The following TFIP11 variants were observed in gnomAD, a reference collection of about 807,000 sequenced individuals.
TFIP11 encodes the protein tuftelin interacting protein 11.
In TFIP11, 86 loss-of-function variants were observed where a neutral mutation model predicts 96.8. The ratio of observed to expected loss-of-function variants is 0.89; its 90% CI spans 0.75 to 1.06. TFIP11 has a LOEUF of 1.06. Among genes scored for constraint, TFIP11 ranks in the 50% least tolerant of loss-of-function variants. The pLI is 0.00. For synonymous variants in TFIP11, 405 were observed against 395.2 expected (o/e 1.02, Z -0.29); for missense variants, 881 against 1,076.7 (o/e 0.82, Z 2.54).
chr22:26,496,035 A>G, intron 12 of TFIP11, 38 bp downstream of exon 12: 1 of 1,600,868 alleles, frequency 6.2e-7, no homozygotes. Context: ...AGGGCACCAA[A>G]GCTGCTGGGC....
intron 9 of TFIP11, 34 bp downstream of exon 9, chr22:26,499,070 A>G (rs1191768560): frequency 6.3e-7 from 1 of 1,597,104 alleles, no homozygotes; most frequent in East Asian, 2.2e-5. Flanking sequence ...CCCAACCGAG[A>G]GGCAGGGATA....
At chr22:26,501,806 AAGC>A in intron 8 of TFIP11, 91 bp downstream of exon 8, 2 of 704,666 alleles carry the variant, frequency 2.8e-6, no homozygotes, top group South Asian at 2.7e-5. Context: ...AAAAAAAAAA[AAGC>A]CTAGCTAAAA....
At chr22:26,498,544 A>T (rs1472129782) in intron 10 of TFIP11, among the ~76,000 whole-genome samples, 2 of 146,984 alleles carry the variant, frequency 1.4e-5, no homozygotes, top group Non-Finnish European at 3.0e-5. Context: ...TCCATCTCAA[A>T]AAAAAAAAAA....
At position 26,492,094 on chromosome 22, in the gene TFIP11, G is replaced by A. The variant is rs17850763; in HGVS notation, c.2433C>T (p.Ile811=). 0.035 allele frequency: 56,299 copies of A among 1,613,820 alleles called. 1,161 individuals carry two copies. Among genetic ancestry groups the A allele is most frequent in the Non-Finnish European group, 0.038 (45,121 of 1,179,844 alleles). Residue 811 remains isoleucine, a synonymous_variant, in exon 15 of 15, where the codon ATC becomes ATT. Transcript: ENST00000407690. ...CCTGGACAAAGACCACTCCCCGGTC[G>A]ATGTAGATCACAATGCGGCCAAAGG... is the stretch of plus-strand genomic sequence containing the variant. The part of the protein sequence containing the change: ...LYTFGRIVIY[I]DRGVVFVQGE...
chr22:26,491,372 TG>T lies in TFIP11; in HGVS notation c.*640del, dbSNP rs1921152188. ...TTTGTTATTTTTTTAAAAAGTAAAG[TG>T]GGGATGACAAGTAAAGTGGAAATTT... On this transcript the variant is annotated 3_prime_UTR_variant, in exon 15 of 15. Coordinates refer to ENST00000407690, the MANE Select transcript of TFIP11 (RefSeq NM_012143.4). 1.9e-6 allele frequency: 2 copies of T among 1,036,654 alleles called. No individual in the cohort carries two copies. Among genetic ancestry groups the T allele is most frequent in the Non-Finnish European group, 1.4e-6 (1 of 694,638 alleles). 64.2% of individuals were successfully genotyped at this position (1,036,654 alleles called of 1,614,324 possible).
In TFIP11 at chr22:26,501,869, TCCTGTACCAGGTGTCCAAGGGCC is replaced by T. The variant is rs1405849949; in HGVS notation, c.801+8_801+30del. On this transcript the variant is annotated splice_region_variant and intron_variant, in intron 8 of 14. Coordinates refer to ENST00000407690, the MANE Select transcript of TFIP11 (RefSeq NM_012143.4). ...TCAGTGATTATTTCTGGGGTGTGGA[TCCTGTACCAGGTGTCCAAGGGCC>T]CCTGTACCTTGACTTGAGAAAGTTC... The T allele has an allele frequency of 2.6e-6, 4 of 1,561,430 alleles. No homozygotes were observed. The highest frequency in any genetic ancestry group is 3.5e-6 in the Non-Finnish European group (4 of 1,148,212).
At chr22:26,506,645 G>C in intron 5 of TFIP11, 130 bp downstream of exon 5, 1 of 1,374,778 alleles carries the variant, frequency 7.3e-7, no homozygotes, top group Non-Finnish European at 1.0e-6. Flanking sequence ...ACAACTCACA[G>C]AAACCTGCCA....
chr22:26,505,696 CTATT>C (rs67577358), intron 6 of TFIP11, among the ~76,000 whole-genome samples: 83,287 of 142,762 alleles, frequency 0.58, 25,400 homozygotes, highest in Non-Finnish European at 0.68. Flanking sequence ...TTTATTTATT[CTATT>C]TATTTATTTA....
intron 12 of TFIP11, among the ~76,000 whole-genome samples, chr22:26,495,571 TATATGTGTGTGTGTGTATACATATATAC>T (rs1221966755): frequency 1.3e-5 from 1 of 75,872 alleles, no homozygotes; most frequent in African/African-American, 3.8e-5. Flanking sequence ...TACACATATA[TATATGTGTGTGTGTGTATACATATATAC>T]ATATATATGT....
rs762821286 is a variant in TFIP11, at chr22:26,491,499, A to G, written c.*514T>C. On this transcript the variant is annotated 3_prime_UTR_variant, in exon 15 of 15. Coordinates refer to ENST00000407690, the MANE Select transcript of TFIP11 (RefSeq NM_012143.4). Reference sequence around the variant, plus strand: ...ACTGGAGGAGCTTGAGTTTCCTCAGACTTCACAATACATGGACATATTTAA... The same window carrying G: ...ACTGGAGGAGCTTGAGTTTCCTCAGGCTTCACAATACATGGACATATTTAA... 1 of 1,613,942 alleles carries G rather than the reference A, an allele frequency of 6.2e-7. No homozygotes were observed. The highest frequency in any genetic ancestry group is 8.5e-7 in the Non-Finnish European group (1 of 1,180,004).
intron 11 of TFIP11, 111 bp from the exon 12 acceptor site, chr22:26,496,427 G>T: frequency 7.1e-7 from 1 of 1,406,322 alleles, no homozygotes; most frequent in Non-Finnish European, 9.5e-7. Context: ...TGCTCTCTGA[G>T]GCCCACAGTC....
rs778808404 is a variant in TFIP11, at chr22:26,495,572, A to G, written c.1849+501T>C. On this transcript the variant is annotated intron_variant, in intron 12 of 14. Transcript: ENST00000407690. ...TATGTGTATATATATACACATATAT[A>G]TATGTGTGTGTGTGTATACATATAT... Among the ~76,000 whole-genome samples, 15 of 75,842 alleles carry G rather than the reference A, an allele frequency of 2.0e-4. 4 individuals are homozygous for G. The highest frequency in any genetic ancestry group is 3.8e-5 in the African/African-American group (1 of 26,390). The allele number at this position is 75,842 out of a possible 152,430, so 49.8% of individuals were successfully genotyped here. A position where few individuals can be genotyped will look rare whatever the true frequency, so the allele number is the denominator to read the frequency against.
chr22:26,503,894 C>A, intron 6 of TFIP11, 101 bp from the exon 7 acceptor site: 1 of 1,449,268 alleles, frequency 6.9e-7, no homozygotes. Flanking sequence ...GCTCCTTCCA[C>A]AAAATAACAT....
intron 6 of TFIP11, 110 bp from the exon 7 acceptor site, chr22:26,503,903 A>C (rs1298823998): frequency 3.6e-6 from 5 of 1,396,100 alleles, no homozygotes; most frequent in Non-Finnish European, 4.9e-6. Context: ...ACAAAATAAC[A>C]TGCTACTCAG....
Position 26,491,452 on chromosome 22 carries a change from T to C in TFIP11, c.*561A>G, listed in dbSNP as rs1334337951. 2.5e-6 allele frequency: 4 copies of C among 1,604,654 alleles called. No individual in the cohort carries two copies. Among genetic ancestry groups the C allele is most frequent in the Non-Finnish European group, 3.4e-6 (4 of 1,175,526 alleles). On this transcript the variant is annotated 3_prime_UTR_variant, in exon 15 of 15. Coordinates refer to ENST00000407690, the MANE Select transcript of TFIP11 (RefSeq NM_012143.4). ...TATCTGAAGTTTTTATACTTGAATT[T>C]TTCTGCTCAGATTTTAAAAGGACTG...
chr22:26,500,915 G>T (rs1000429304), intron 8 of TFIP11, among the ~76,000 whole-genome samples: 17 of 124,626 alleles, frequency 1.4e-4, no homozygotes, highest in African/African-American at 5.3e-4. Flanking sequence ...ACGGAGTCTC[G>T]CTCTGTCCCC....
chr22:26,509,100 C>T (rs1923755668), intron 4 of TFIP11, among the ~76,000 whole-genome samples: 2 of 152,202 alleles, frequency 1.3e-5, no homozygotes, highest in African/African-American at 4.8e-5. Context: ...TCCACTGTGG[C>T]TCCATGCCTA....
At chr22:26,494,622 AC>A in intron 13 of TFIP11, 174 bp downstream of exon 13, 3 of 938,604 alleles carry the variant, frequency 3.2e-6, no homozygotes, top group Non-Finnish European at 4.7e-6. Context: ...AGCTTCTGAT[AC>A]ATGGCAAATG....
chr22:26,492,609 A>AT, intron 14 of TFIP11: 2 of 513,598 alleles, frequency 3.9e-6, no homozygotes, highest in Middle Eastern at 5.4e-4. Flanking sequence ...ACATTTTAAA[A>AT]TGAAGTATCT....
Sources: gnomAD v4.1 joint callset for allele counts (sites outside exome capture counted in the v4.1 genomes callset) on GRCh38, gnomAD v4.1.1 for gene constraint, MANE v1.5 for transcripts, NCBI Gene and HGNC (gene_info 2026-07-23, HGNC 2026-07-21) for gene names.